Variants in TBC1D5 observed in about 807,000 individuals in gnomAD.
The protein encoded by TBC1D5 is TBC1 domain family, member 5.
A neutral mutation model predicts 100.3 loss-of-function variants in TBC1D5; 75 were observed. The observed-to-expected ratio is 0.75, with a 90% confidence interval of 0.62 to 0.91. The LOEUF (loss-of-function observed/expected upper bound fraction) is 0.91. Ranked by LOEUF, TBC1D5 falls within the 40% of genes least tolerant of loss-of-function variation. The pLI is 0.00. For synonymous variants in TBC1D5, 323 were observed against 325.6 expected (o/e 0.99, Z 0.09); for missense variants, 910 against 942.4 (o/e 0.97, Z 0.45).
At chr3:17,333,114 G>A (rs961886173) in intron 13 of TBC1D5, 1 of 152,358 alleles carries the variant, frequency 6.6e-6, no homozygotes, top group African/African-American at 2.4e-5. Context: ...CTGCGTAAGG[G>A]TATCGAAGTC....
chr3:17,324,752 G>C (rs1400054992), intron 13 of TBC1D5, among the ~76,000 whole-genome samples: 1 of 152,070 alleles, frequency 6.6e-6, no homozygotes, highest in Non-Finnish European at 1.5e-5. Context: ...CTAATAACTT[G>C]ATCATAATAA....
At chr3:17,506,703 AG>A (rs2095848085) in intron 3 of TBC1D5, among the ~76,000 whole-genome samples, 1 of 152,206 alleles carries the variant, frequency 6.6e-6, no homozygotes, top group Non-Finnish European at 1.5e-5. Context: ...TTTTTAGTAA[AG>A]GTAACTACTC....
At chr3:17,625,032 T>C (rs2062941578) in intron 1 of TBC1D5, among the ~76,000 whole-genome samples, 3 of 152,084 alleles carry the variant, frequency 2.0e-5, no homozygotes, top group Non-Finnish European at 2.9e-5. Flanking sequence ...TGTGCTCAAA[T>C]ATGTTTAAAT....
At chr3:17,714,087 C>G (rs909131176) in intron 1 of TBC1D5, among the ~76,000 whole-genome samples, 4 of 152,148 alleles carry the variant, frequency 2.6e-5, no homozygotes, top group African/African-American at 7.2e-5. Flanking sequence ...TGTCTTCCCT[C>G]TCTGGTTCCA....
chr3:17,275,097 G>A lies in TBC1D5; in HGVS notation c.1246-16506C>T, dbSNP rs1240484044. Among the ~76,000 whole-genome samples, 4 of 125,508 alleles carry A rather than the reference G, an allele frequency of 3.2e-5. No individual in the cohort carries two copies. The East Asian group carries it at 7.7e-4, about 24-fold the overall frequency. The allele number at this position is 125,508 out of a possible 152,430, so 82.3% of individuals were successfully genotyped here. A position where few individuals can be genotyped will look rare whatever the true frequency, so the allele number is the denominator to read the frequency against. ...GTATCCCTAACAAGGTGAGTGAGGG[G>A]AGGAAACAATTATTTCCAATTTGCC... On this transcript the variant is annotated intron_variant, in intron 15 of 21. Coordinates refer to ENST00000253692, the Ensembl canonical transcript of TBC1D5.
At chr3:17,376,721 T>A in intron 9 of TBC1D5, 108 bp from the exon 10 acceptor site, 1 of 791,954 alleles carries the variant, frequency 1.3e-6, no homozygotes, top group East Asian at 2.9e-5. Context: ...ACTAGCAAAA[T>A]TTCCACATTA....
intron 18 of TBC1D5, among the ~76,000 whole-genome samples, 177 bp from the exon 20 acceptor site, chr3:17,185,385 G>A (rs1043524907): frequency 6.6e-6 from 1 of 152,088 alleles, no homozygotes; most frequent in Non-Finnish European, 1.5e-5. Flanking sequence ...AATAAAAAAA[G>A]GGTAAAATGG....
chr3:17,185,246 G>A, intron 18 of TBC1D5, 38 bp from the exon 20 acceptor site: 1 of 1,560,440 alleles, frequency 6.4e-7, no homozygotes, highest in Non-Finnish European at 8.8e-7. Flanking sequence ...ATTTTTTAGA[G>A]ATTGTCAAAT....
At chr3:17,211,828 A>G (rs1040979031) in intron 18 of TBC1D5, among the ~76,000 whole-genome samples, 8 of 152,234 alleles carry the variant, frequency 5.3e-5, no homozygotes, top group Non-Finnish European at 8.8e-5. Flanking sequence ...AAATGCTTGC[A>G]CTAAAGGTGC....
chr3:17,575,001 A>G (rs1023117617), intron 2 of TBC1D5, among the ~76,000 whole-genome samples: 3 of 152,110 alleles, frequency 2.0e-5, no homozygotes, highest in African/African-American at 4.8e-5. Context: ...AGGTTGTTCC[A>G]TATTTCTCAT....
Position 17,363,482 on chromosome 3 carries a change from C to G in TBC1D5, c.995+8593G>C, listed in dbSNP as rs376258284. Reference sequence around the variant, plus strand: ...TTTTTATTTTTTTATTTTTTAGAGACAGGGTCTACTCCCAGGTCTCTGGGA... The same window carrying G: ...TTTTTATTTTTTTATTTTTTAGAGAGAGGGTCTACTCCCAGGTCTCTGGGA... On this transcript the variant is annotated intron_variant, in intron 13 of 21. Coordinates refer to ENST00000253692, the Ensembl canonical transcript of TBC1D5. 7.6e-4 allele frequency among the ~76,000 whole-genome samples: 115 copies of G among 151,488 alleles called. 5 individuals carry two copies. In the South Asian group the frequency reaches 0.022, roughly 29 times the overall value.
At chr3:17,407,661 G>GC (rs2093809011) in intron 4 of TBC1D5, among the ~76,000 whole-genome samples, 1 of 152,042 alleles carries the variant, frequency 6.6e-6, no homozygotes, top group South Asian at 2.1e-4. Flanking sequence ...GGGACAAAAT[G>GC]CATCTTCTCC....
At chr3:17,495,033 G>A (rs114013178) in intron 3 of TBC1D5, among the ~76,000 whole-genome samples, 52 of 152,308 alleles carry the variant, frequency 3.4e-4, no homozygotes, top group African/African-American at 1.1e-3. Flanking sequence ...TGCCCCGTGC[G>A]GCTCCCGGGT....
chr3:17,635,628 C>T (rs527755052), intron 1 of TBC1D5, among the ~76,000 whole-genome samples: 9 of 151,620 alleles, frequency 5.9e-5, no homozygotes, highest in South Asian at 2.1e-4. Flanking sequence ...TGCAGTGAGC[C>T]GAAATCATGC....
intron 1 of TBC1D5, among the ~76,000 whole-genome samples, chr3:17,647,691 G>A (rs984583718): frequency 5.9e-5 from 9 of 152,198 alleles, no homozygotes; most frequent in East Asian, 1.9e-4. Flanking sequence ...TAGGGGAGTC[G>A]AATGATATAC....
intron 13 of TBC1D5, among the ~76,000 whole-genome samples, chr3:17,324,606 T>G (rs1679078675): frequency 6.6e-6 from 1 of 152,096 alleles, no homozygotes; most frequent in Non-Finnish European, 1.5e-5. Flanking sequence ...ATTGCACCAC[T>G]GCACTCTATC....
chr3:17,726,861 C>A (rs1410126525), intron 1 of TBC1D5, among the ~76,000 whole-genome samples: 1 of 152,134 alleles, frequency 6.6e-6, no homozygotes, highest in Non-Finnish European at 1.5e-5. Flanking sequence ...CTAAAAGTTT[C>A]ATTTTGTGGA....
At chr3:17,166,330 G>A (rs138672542) in intron 21 of TBC1D5, among the ~76,000 whole-genome samples, 2 of 152,310 alleles carry the variant, frequency 1.3e-5, no homozygotes, top group African/African-American at 4.8e-5. Flanking sequence ...ATGAAGGCAA[G>A]AAAGTAATTT....
intron 9 of TBC1D5, among the ~76,000 whole-genome samples, chr3:17,379,226 G>A: frequency 6.6e-6 from 1 of 151,892 alleles, no homozygotes; most frequent in African/African-American, 2.4e-5. Flanking sequence ...AACTTGAGGA[G>A]AGTATTTTTA....
Sources: allele counts gnomAD v4.1 joint callset (sites outside exome capture counted in the v4.1 genomes callset), GRCh38; gene constraint gnomAD v4.1.1; transcripts MANE v1.5; gene names NCBI Gene and HGNC (gene_info 2026-07-23, HGNC 2026-07-21).